FANK1: variants seen among roughly 807,000 people sequenced by gnomAD.
The protein encoded by FANK1 is fibronectin type 3 and ankyrin repeat domains protein 1.
FANK1 carries 44 observed loss-of-function variants against 45.3 expected under a neutral mutation model. The ratio of observed to expected loss-of-function variants is 0.97; its 90% CI spans 0.76 to 1.25. FANK1 has a LOEUF of 1.25. Among genes scored for constraint, FANK1 ranks in the 50% most tolerant of loss-of-function variants. The pLI is 0.00. For synonymous variants in FANK1, 149 were observed against 152.5 expected, an observed-to-expected ratio of 0.98 and a Z score of 0.17; for missense variants, 391 against 424.4, an observed-to-expected ratio of 0.92 and a Z score of 0.69.
At chr10:125,924,784 G>T (rs1326448202) in intron 1 of FANK1, among the ~76,000 whole-genome samples, 2 of 144,546 alleles carry the variant, frequency 1.4e-5, no homozygotes, top group African/African-American at 2.6e-5. Flanking sequence ...TCCAGCCTGG[G>T]TGACAGAGTG....
intron 2 of FANK1, chr10:125,980,895 C>G (rs1380042815): frequency 6.5e-6 from 1 of 153,180 alleles, no homozygotes; most frequent in East Asian, 1.9e-4. Context: ...ATCCCCCCGC[C>G]CCCAGAAGGC....
At chr10:125,998,580 C>G (rs1952517008) in intron 6 of FANK1, among the ~76,000 whole-genome samples, 1 of 151,874 alleles carries the variant, frequency 6.6e-6, no homozygotes. Context: ...ATGAGAGTTG[C>G]CTCTTAAACA....
chr10:125,989,517 A>AAGTTAACTCAGCTTTTG (rs576841473), intron 3 of FANK1: 1 of 781,888 alleles, frequency 1.3e-6, no homozygotes, highest in South Asian at 1.5e-5. Context: ...GTGTAGACTA[A>AAGTTAACTCAGCTTTTG]AGTTAACTCA....
At chr10:125,979,779 A>C in intron 1 of FANK1, 1 of 460,754 alleles carries the variant, frequency 2.2e-6, no homozygotes, top group South Asian at 1.6e-5. Flanking sequence ...TGTTCCACAT[A>C]CTTGGATCAG....
Position 125,994,128 on chromosome 10 carries a change from G to C in FANK1, c.317-1289G>C, listed in dbSNP as rs112778404. ...GGCCGGACCATAAGAGGGAGGGTGGGTGAGCCCCAGGAGGTGGCGTAGGGT... is the reference window on the plus strand; with the variant it reads ...GGCCGGACCATAAGAGGGAGGGTGGCTGAGCCCCAGGAGGTGGCGTAGGGT... On this transcript the variant is annotated intron_variant, in intron 3 of 10. Coordinates refer to ENST00000368693, the MANE Select transcript of FANK1 (RefSeq NM_145235.5). 7.4e-3 allele frequency among the ~76,000 whole-genome samples: 1,116 copies of C among 151,270 alleles called. 15 individuals carry two copies. Among genetic ancestry groups the C allele is most frequent in the African/African-American group, 0.023 (955 of 41,308 alleles).
intron 1 of FANK1, among the ~76,000 whole-genome samples, chr10:125,952,470 A>T (rs1471593692): frequency 2.6e-5 from 4 of 151,996 alleles, no homozygotes; most frequent in African/African-American, 7.2e-5. Context: ...AAAGCTGTTT[A>T]AAAAAAAGTT....
chr10:125,964,814 A>T (rs1421476587), intron 1 of FANK1, among the ~76,000 whole-genome samples: 6 of 152,126 alleles, frequency 3.9e-5, no homozygotes, highest in African/African-American at 1.4e-4. Flanking sequence ...TTCCAAAGAG[A>T]TTTCCCAATT....
At chr10:125,924,650 A>G (rs1263071265) in intron 1 of FANK1, among the ~76,000 whole-genome samples, 5 of 152,264 alleles carry the variant, frequency 3.3e-5, no homozygotes, top group Middle Eastern at 6.8e-3. Flanking sequence ...TCTACCAAAC[A>G]CACAAAAAAT....
chr10:125,937,556 A>G (rs1278709419), intron 1 of FANK1, among the ~76,000 whole-genome samples: 1 of 152,224 alleles, frequency 6.6e-6, no homozygotes, highest in Non-Finnish European at 1.5e-5. Flanking sequence ...TCCCATATGA[A>G]GGAGTCTGAT....
rs548385696 is a variant in FANK1, at chr10:125,983,724, G to A, written c.191+3386G>A. 5.3e-5 allele frequency among the ~76,000 whole-genome samples: 8 copies of A among 152,264 alleles called. No individual in the cohort carries two copies. The highest frequency in any genetic ancestry group is 1.9e-4 in the African/African-American group (8 of 41,548). On this transcript the variant is annotated intron_variant, in intron 2 of 10. Transcript: ENST00000368693. The surrounding 1 kb of genome is among the most constrained non-coding windows in gnomAD (Gnocchi z 4.3). ...CAAGGAGGAAAATAATGGGGGCGAG[G>A]GCAGCTGGGTCATGAGAGGTCACTG... is the stretch of plus-strand genomic sequence containing the variant.
rs1232788603 is a variant in FANK1 at position 125,996,629 on chromosome 10, G to A, written c.473+5G>A. 6.2e-7 allele frequency: 1 copy of A among 1,612,762 alleles called. No individual in the cohort carries two copies. Among genetic ancestry groups the A allele is most frequent in the Non-Finnish European group, 8.5e-7 (1 of 1,179,470 alleles). Reference sequence around the variant, plus strand: ...TGCCCAGAAAGGATACACCAGGTATGGCTCTTCTTTTTTTTAAATCTCTCT... The same window carrying A: ...TGCCCAGAAAGGATACACCAGGTATAGCTCTTCTTTTTTTTAAATCTCTCT... On this transcript the variant is annotated splice_donor_5th_base_variant and intron_variant, in intron 5 of 10. Coordinates refer to ENST00000368693, the MANE Select transcript of FANK1 (RefSeq NM_145235.5).
chr10:125,961,015 C>G (rs1949890769), intron 1 of FANK1, among the ~76,000 whole-genome samples: 1 of 152,194 alleles, frequency 6.6e-6, no homozygotes. Flanking sequence ...ATGAAGACAG[C>G]ATGGTACTGT....
At chr10:125,961,262 A>G (rs537406902) in intron 1 of FANK1, among the ~76,000 whole-genome samples, 3 of 152,290 alleles carry the variant, frequency 2.0e-5, no homozygotes. Flanking sequence ...ACGTGCAACC[A>G]TGCCTAGCTA....
intron 1 of FANK1, among the ~76,000 whole-genome samples, chr10:125,901,571 A>G (rs1945040052): frequency 6.6e-6 from 1 of 152,180 alleles, no homozygotes; most frequent in Non-Finnish European, 1.5e-5. Flanking sequence ...CTTCAAGCAC[A>G]TTGGTCTTCT....
rs57356060 is a variant in FANK1, at chr10:125,952,800, TACACACACACACACACACACACAC to T, written c.14-27324_14-27301del. On this transcript the variant is annotated intron_variant, in intron 1 of 10. Transcript: ENST00000368693. The stretch of plus-strand genomic sequence containing the variant: ...GCTGTGGTGCCCAGCAGGAAATACA[TACACACACACACACACACACACAC>T]ACACACACACACACACACACACACA... Among the ~76,000 whole-genome samples, 527 of 117,846 alleles carry T rather than the reference TACACACACACACACACACACACAC, an allele frequency of 4.5e-3. 6 individuals carry two copies. The East Asian group carries it at 0.06, about 13-fold the overall frequency. The allele number at this position is 117,846 out of a possible 152,430, so 77.3% of individuals were successfully genotyped here.
chr10:125,899,305 C>T (rs1221983725), intron 1 of FANK1, among the ~76,000 whole-genome samples: 2 of 152,238 alleles, frequency 1.3e-5, no homozygotes, highest in Non-Finnish European at 2.9e-5. Flanking sequence ...GGTGATCCTC[C>T]CGCCCTGGCC....
chr10:125,986,210 C>T (rs1951549410), intron 2 of FANK1, among the ~76,000 whole-genome samples: 1 of 152,076 alleles, frequency 6.6e-6, no homozygotes, highest in East Asian at 1.9e-4. Context: ...CTGAATCCAC[C>T]AGCACAGAGC....
intron 1 of FANK1, among the ~76,000 whole-genome samples, chr10:125,911,978 C>G (rs1211055303): frequency 6.6e-6 from 1 of 152,192 alleles, no homozygotes; most frequent in Non-Finnish European, 1.5e-5. Context: ...AGAATCCATT[C>G]TATCCATCTA....
chr10:125,990,478 A>G (rs962463008), intron 3 of FANK1, among the ~76,000 whole-genome samples: 32 of 152,060 alleles, frequency 2.1e-4, no homozygotes, highest in African/African-American at 6.5e-4. Flanking sequence ...AGAAACACTG[A>G]TTTTCTCAGG....
Sources: allele counts gnomAD v4.1 joint callset (sites outside exome capture counted in the v4.1 genomes callset), GRCh38; gene constraint gnomAD v4.1.1; non-coding constraint Gnocchi (gnomAD v3.1); transcripts MANE v1.5; gene names NCBI Gene and HGNC (gene_info 2026-07-23, HGNC 2026-07-21).